Variants in ACVR1B observed in about 807,000 individuals in gnomAD.
ACVR1B encodes activin receptor type-1B.
ACVR1B carries 15 observed loss-of-function variants against 55.6 expected under a neutral mutation model. The ratio of observed to expected loss-of-function variants is 0.27; its 90% CI spans 0.18 to 0.42. The LOEUF is 0.42. ACVR1B is among the 10% of genes least tolerant of loss of function. The probability of loss-of-function intolerance (pLI) is 1.00; values close to 1 mark genes in which losing one functional copy is unlikely to be tolerated. For synonymous variants in ACVR1B, 247 were observed against 254.6 expected, an observed-to-expected ratio of 0.97 and a Z score of 0.28; for missense variants, 359 against 670.1, an observed-to-expected ratio of 0.54 and a Z score of 5.13.
At chr12:51,967,610 A>G (rs1476357245) in intron 1 of ACVR1B, among the ~76,000 whole-genome samples, 2 of 152,224 alleles carry the variant, frequency 1.3e-5, no homozygotes. Context: ...GAAACCTGCT[A>G]GAGAATCGGT....
intron 1 of ACVR1B, among the ~76,000 whole-genome samples, chr12:51,963,129 C>T (rs1247127046): frequency 6.6e-6 from 1 of 151,910 alleles, no homozygotes; most frequent in Non-Finnish European, 1.5e-5. Context: ...TAGCAAAATA[C>T]GTATAACATA....
chr12:51,963,888 C>CGTA (rs1473022253), intron 1 of ACVR1B, among the ~76,000 whole-genome samples: 1 of 152,154 alleles, frequency 6.6e-6, no homozygotes, highest in Non-Finnish European at 1.5e-5. Flanking sequence ...AGCAGTTGTA[C>CGTA]CCTTTTATGT....
chr12:51,973,122 G>A (rs1438526782), intron 1 of ACVR1B, among the ~76,000 whole-genome samples: 2 of 152,180 alleles, frequency 1.3e-5, no homozygotes, highest in South Asian at 2.1e-4. Context: ...ATGAATCACT[G>A]TGAAAGAGGT....
chr12:51,975,257 TC>T lies in ACVR1B; in HGVS notation c.92-6del. The stretch of plus-strand genomic sequence containing the variant: ...TGATGTCAATGTCTGCTCCCCAATT[TC>T]CTGCAGCTCTGCTGTGTGCGTGCAC... On this transcript the variant is annotated splice_region_variant and splice_polypyrimidine_tract_variant and intron_variant, in intron 1 of 8. Coordinates refer to ENST00000257963, the MANE Select transcript of ACVR1B (RefSeq NM_004302.5). 1 of 1,604,480 alleles carries T rather than the reference TC, an allele frequency of 6.2e-7. No individual in the cohort carries two copies.
intron 1 of ACVR1B, among the ~76,000 whole-genome samples, chr12:51,959,053 A>G (rs951921816): frequency 6.6e-6 from 1 of 152,230 alleles, no homozygotes; most frequent in Non-Finnish European, 1.5e-5. Flanking sequence ...GACAATAAAC[A>G]AAAGTATAAA....
chr12:51,975,654 A>C (rs948261353), intron 2 of ACVR1B, 150 bp downstream of exon 2: 65 of 1,169,016 alleles, frequency 5.6e-5, no homozygotes, highest in Non-Finnish European at 7.4e-5. Context: ...GGGGTTTCTC[A>C]GCAGTTGCTT....
Position 51,994,254 on chromosome 12 carries a change from G to A in ACVR1B, c.*144G>A, listed in dbSNP as rs1942256335. ...GGCCCGCAAGAGGGACAGAGCCCGGGAGAGACTCGCTCACTCCCATGTTGG... is the reference window on the plus strand; with the variant it reads ...GGCCCGCAAGAGGGACAGAGCCCGGAAGAGACTCGCTCACTCCCATGTTGG... On this transcript the variant is annotated 3_prime_UTR_variant, in exon 9 of 9. Coordinates refer to ENST00000257963, the MANE Select transcript of ACVR1B (RefSeq NM_004302.5). The surrounding 1 kb of genome is among the most constrained non-coding windows in gnomAD (Gnocchi z 4.2). 5.9e-6 allele frequency: 7 copies of A among 1,193,878 alleles called. No individual in the cohort carries two copies. Among genetic ancestry groups the A allele is most frequent in the Non-Finnish European group, 8.1e-6 (7 of 859,212 alleles). The allele number at this position is 1,193,878 out of a possible 1,614,324, so 74.0% of individuals were successfully genotyped here.
intron 7 of ACVR1B, among the ~76,000 whole-genome samples, chr12:51,991,096 A>G (rs185454865): frequency 7.5e-4 from 114 of 152,352 alleles, no homozygotes; most frequent in African/African-American, 2.7e-3. Context: ...CCCATGATAT[A>G]TAGTTGGAAT....
At chr12:51,969,789 C>T (rs1941711830) in intron 1 of ACVR1B, among the ~76,000 whole-genome samples, 1 of 152,132 alleles carries the variant, frequency 6.6e-6, no homozygotes, top group South Asian at 2.1e-4. Context: ...GAGGCTGAGG[C>T]AGAAGGGATC....
intron 1 of ACVR1B, among the ~76,000 whole-genome samples, chr12:51,962,498 A>G (rs1259292982): frequency 4.6e-5 from 7 of 151,900 alleles, no homozygotes; most frequent in Admixed American, 2.0e-4. Context: ...AAAAGGTGAA[A>G]ATGTAACTTG....
At chr12:51,981,256 T>C in intron 4 of ACVR1B, 57 bp downstream of exon 4, 1 of 1,461,462 alleles carries the variant, frequency 6.8e-7, no homozygotes, top group Non-Finnish European at 9.5e-7. Context: ...AGAAAGTGCA[T>C]AGCTATGGGG....
In ACVR1B at chr12:51,951,710, GGCT is replaced by G. The variant is rs1170807640; in HGVS notation, c.-31_-29del. The G allele has an allele frequency of 9.5e-7, 1 of 1,048,826 alleles. No individual in the cohort carries two copies. The highest frequency in any genetic ancestry group is 1.1e-6 in the Non-Finnish European group (1 of 870,326). 65.0% of individuals were successfully genotyped at this position (1,048,826 alleles called of 1,614,324 possible). On this transcript the variant is annotated 5_prime_UTR_variant, in exon 1 of 9. Transcript: ENST00000257963. ...CGCGCGCGCGCGCTGGGCGCTGCTGGGCTGCGGCGGCGGCGGCGGCGGCGGTGG... is the reference window on the plus strand; with the variant it reads ...CGCGCGCGCGCGCTGGGCGCTGCTGGGCGGCGGCGGCGGCGGCGGCGGTGG...
In ACVR1B at chr12:51,993,639, T is replaced by C. The variant is rs905110385; in HGVS notation, c.1393-346T>C. On this transcript the variant is annotated intron_variant, in intron 8 of 8. Coordinates refer to ENST00000257963, the MANE Select transcript of ACVR1B (RefSeq NM_004302.5). ...AAAATCAGCTGGGCGTAGTGGTGTG[T>C]GCCTGTAGTCCCAGCTACTGGGGAG... Among the ~76,000 whole-genome samples the C allele has an allele frequency of 2.0e-5, 3 of 151,824 alleles. No individual in the cohort carries two copies. The East Asian group carries it at 5.8e-4, about 29-fold the overall frequency.
At chr12:51,992,784 A>G (rs1254303680) in intron 8 of ACVR1B, among the ~76,000 whole-genome samples, 2 of 152,154 alleles carry the variant, frequency 1.3e-5, no homozygotes, top group Non-Finnish European at 2.9e-5. Flanking sequence ...GAGAATGTGA[A>G]TTTGGGAGAG....
In ACVR1B at chr12:51,960,959, G is replaced by A. The variant is rs569394898; in HGVS notation, c.91+9125G>A. Among the ~76,000 whole-genome samples the A allele has an allele frequency of 2.0e-5, 3 of 152,172 alleles. No individual in the cohort carries two copies. In the South Asian group the frequency reaches 6.2e-4, roughly 32 times the overall value. On this transcript the variant is annotated intron_variant, in intron 1 of 8. Transcript: ENST00000257963. ...TTTGGCTGGAACCTTGGCATTGTTCGAACTGTCAATTTACTCTGAACCCAG... is the reference window on the plus strand; with the variant it reads ...TTTGGCTGGAACCTTGGCATTGTTCAAACTGTCAATTTACTCTGAACCCAG...
chr12:51,955,015 C>T (rs1277007344), intron 1 of ACVR1B, among the ~76,000 whole-genome samples: 1 of 152,216 alleles, frequency 6.6e-6, no homozygotes, highest in Non-Finnish European at 1.5e-5. Context: ...GCTCTTACAT[C>T]GTCGACTAGG....
At chr12:51,989,923 T>C (rs899990263) in intron 7 of ACVR1B, among the ~76,000 whole-genome samples, 45 of 151,918 alleles carry the variant, frequency 3.0e-4, no homozygotes, top group Admixed American at 1.3e-3. Context: ...AAGTGGAAGT[T>C]GCAGCAAGCC....
intron 1 of ACVR1B, among the ~76,000 whole-genome samples, chr12:51,962,404 G>A (rs1179422369): frequency 1.3e-5 from 2 of 151,862 alleles, no homozygotes; most frequent in Non-Finnish European, 2.9e-5. Context: ...ATTGGCACCT[G>A]TAAAATTTGA....
chr12:51,967,559 TAAAAAC>T (rs1941666921), intron 1 of ACVR1B, among the ~76,000 whole-genome samples: 1 of 152,078 alleles, frequency 6.6e-6, no homozygotes, highest in Admixed American at 6.5e-5. Context: ...GACTCCGTCT[TAAAAAC>T]AAAAACAAAC....
Sources: gnomAD v4.1 joint callset for allele counts (sites outside exome capture counted in the v4.1 genomes callset) on GRCh38, gnomAD v4.1.1 for gene constraint, Gnocchi (gnomAD v3.1) non-coding constraint, MANE v1.5 for transcripts, NCBI Gene and HGNC (gene_info 2026-07-23, HGNC 2026-07-21) for gene names.